DLGAP1: variants seen among roughly 807,000 people sequenced by gnomAD.
The protein encoded by DLGAP1 is disks large-associated protein 1.
DLGAP1 carries 11 observed loss-of-function variants against 90.8 expected under a neutral mutation model. That is an observed-to-expected ratio of 0.12 (90% confidence interval 0.08 to 0.20). DLGAP1 has a LOEUF of 0.20. Ranked by LOEUF, DLGAP1 falls within the 10% of genes least tolerant of loss-of-function variation. DLGAP1 has a pLI of 1.00. For synonymous variants in DLGAP1, 558 were observed against 540.7 expected (o/e 1.03, Z -0.44); for missense variants, 1,050 against 1,333.8 (o/e 0.79, Z 3.31).
chr18:3,620,882 G>A (rs1319469627), intron 7 of DLGAP1, among the ~76,000 whole-genome samples: 2 of 152,170 alleles, frequency 1.3e-5, no homozygotes, highest in Non-Finnish European at 2.9e-5. Flanking sequence ...AACAGGCAGT[G>A]ATGTGTGACC....
intron 1 of DLGAP1, among the ~76,000 whole-genome samples, chr18:4,178,855 G>T (rs190458207): frequency 6.6e-6 from 1 of 152,040 alleles, no homozygotes; most frequent in Non-Finnish European, 1.5e-5. Flanking sequence ...GTTATAAAGA[G>T]TATGCAATAT....
chr18:4,239,080 A>T (rs2078476196), intron 1 of DLGAP1, among the ~76,000 whole-genome samples: 1 of 152,228 alleles, frequency 6.6e-6, no homozygotes, highest in African/African-American at 2.4e-5. Context: ...TGCAGTGCAC[A>T]ACTTCAGAGA....
intron 1 of DLGAP1, among the ~76,000 whole-genome samples, chr18:4,344,007 G>A (rs1354465213): frequency 6.6e-6 from 1 of 151,976 alleles, no homozygotes. Flanking sequence ...GATGAATTGT[G>A]GTTTCAAAAG....
intron 2 of DLGAP1, among the ~76,000 whole-genome samples, chr18:4,067,374 A>G (rs1405529744): frequency 1.3e-5 from 2 of 151,682 alleles, no homozygotes; most frequent in Admixed American, 1.3e-4. Context: ...GGGAGGGAGG[A>G]AGGAAGGAAG....
At chr18:3,752,578 CTTCTCTCTCT>C (rs952265530) in intron 5 of DLGAP1, among the ~76,000 whole-genome samples, 3 of 117,040 alleles carry the variant, frequency 2.6e-5, no homozygotes, top group African/African-American at 9.6e-5. Flanking sequence ...CTCTTTCTTT[CTTCTCTCTCT>C]TTCTCTCTCT....
At chr18:4,328,213 C>T (rs1274767371) in intron 1 of DLGAP1, among the ~76,000 whole-genome samples, 1 of 151,926 alleles carries the variant, frequency 6.6e-6, no homozygotes, top group Non-Finnish European at 1.5e-5. Flanking sequence ...GTTAATAAAC[C>T]TGTTTTTTTC....
intron 1 of DLGAP1, among the ~76,000 whole-genome samples, chr18:4,219,485 A>T (rs529560372): frequency 5.3e-5 from 8 of 151,992 alleles, no homozygotes; most frequent in Non-Finnish European, 1.0e-4. Flanking sequence ...GTTTGATGTA[A>T]TCCTATTTGT....
chr18:3,834,493 C>G (rs1273374789), intron 4 of DLGAP1, among the ~76,000 whole-genome samples: 1 of 151,970 alleles, frequency 6.6e-6, no homozygotes. Flanking sequence ...TGATTTGATT[C>G]AATCCTGTGT....
At chr18:3,575,663 A>G (rs1010333674) in intron 8 of DLGAP1, among the ~76,000 whole-genome samples, 11 of 152,222 alleles carry the variant, frequency 7.2e-5, no homozygotes, top group African/African-American at 2.7e-4. Flanking sequence ...TCCTGTATAC[A>G]TGAATTACTC....
In DLGAP1 at chr18:3,499,371, C is replaced by T; in HGVS notation, c.2748G>A (p.Val916=). 2 of 1,550,662 alleles carry T rather than the reference C, an allele frequency of 1.3e-6. No individual in the cohort carries two copies. The highest frequency in any genetic ancestry group is 1.7e-6 in the Non-Finnish European group (2 of 1,147,446). The change falls in exon 13 of 13, where the codon GTG becomes GTA. Residue 916 remains valine, a synonymous_variant. Transcript: ENST00000315677. The surrounding 1 kb of genome is among the most constrained non-coding windows in gnomAD (Gnocchi z 6.4). ...CGGGGCCCTTCGCCGGCTTCTTTGGCACTGGAGGAGGGGCCCTTCTCTCCT... is the reference window on the plus strand; with the variant it reads ...CGGGGCCCTTCGCCGGCTTCTTTGGTACTGGAGGAGGGGCCCTTCTCTCCT... The part of the protein sequence containing the change: ...DKKERRAPPP[V]PKKPAKGPAP...
chr18:3,772,714 A>G (rs1187989115), intron 5 of DLGAP1, among the ~76,000 whole-genome samples: 1 of 151,954 alleles, frequency 6.6e-6, no homozygotes, highest in African/African-American at 2.4e-5. Context: ...AAAACAGGCT[A>G]TTCAAAATGT....
intron 3 of DLGAP1, among the ~76,000 whole-genome samples, chr18:3,959,534 T>C (rs1842342784): frequency 6.6e-6 from 1 of 151,868 alleles, no homozygotes; most frequent in Non-Finnish European, 1.5e-5. Context: ...GGACGTGGTG[T>C]CGCGTGTCTG....
intron 3 of DLGAP1, among the ~76,000 whole-genome samples, chr18:3,919,453 T>C (rs1312975604): frequency 2.0e-5 from 3 of 152,200 alleles, no homozygotes; most frequent in Admixed American, 6.5e-5. Context: ...CTTTACATTT[T>C]GGATTTATTG....
rs571114060 is a variant in DLGAP1 at position 4,093,235 on chromosome 18, A to T, written c.-159+57945T>A. Among the ~76,000 whole-genome samples the T allele has an allele frequency of 2.6e-5, 4 of 152,312 alleles. No homozygotes were observed. In the East Asian group the frequency reaches 5.8e-4, roughly 22 times the overall value. ...AGTGAAGGCTACATTACAACTATTG[A>T]ATAAGAATATTTTAAGGAAGAAAAC... On this transcript the variant is annotated intron_variant, in intron 2 of 12. Coordinates refer to ENST00000315677, the MANE Select transcript of DLGAP1 (RefSeq NM_004746.4).
At chr18:4,418,651 C>T (rs2082958847) in intron 1 of DLGAP1, among the ~76,000 whole-genome samples, 1 of 151,952 alleles carries the variant, frequency 6.6e-6, no homozygotes. Flanking sequence ...ATAGAAACTA[C>T]TCAAATAGAA....
chr18:3,592,718 C>A (rs933837303), intron 7 of DLGAP1, among the ~76,000 whole-genome samples: 4 of 150,784 alleles, frequency 2.7e-5, no homozygotes, highest in African/African-American at 9.7e-5. Flanking sequence ...GTGGTGCACG[C>A]CTGAAGTCTC....
intron 1 of DLGAP1, among the ~76,000 whole-genome samples, chr18:4,165,324 G>T (rs1308505269): frequency 6.6e-6 from 1 of 152,174 alleles, no homozygotes; most frequent in Non-Finnish European, 1.5e-5. Flanking sequence ...TGGCAAAACG[G>T]TTTTCAAGTG....
At chr18:4,393,998 A>C (rs1797004666) in intron 1 of DLGAP1, among the ~76,000 whole-genome samples, 1 of 152,120 alleles carries the variant, frequency 6.6e-6, no homozygotes. Flanking sequence ...CAGGTTCCTA[A>C]CTGGCCAGGG....
At chr18:4,058,350 G>A (rs1349338263) in intron 2 of DLGAP1, among the ~76,000 whole-genome samples, 1 of 152,176 alleles carries the variant, frequency 6.6e-6, no homozygotes, top group East Asian at 1.9e-4. Flanking sequence ...TCATATGTCT[G>A]TTGGCTCATT....
Sources: allele counts gnomAD v4.1 joint callset (sites outside exome capture counted in the v4.1 genomes callset), GRCh38; gene constraint gnomAD v4.1.1; non-coding constraint Gnocchi (gnomAD v3.1); transcripts MANE v1.5; gene names NCBI Gene and HGNC (gene_info 2026-07-23, HGNC 2026-07-21).